ZNF536: variants seen among roughly 807,000 people sequenced by gnomAD.
The protein encoded by ZNF536 is zinc finger protein 536.
ZNF536 carries 13 observed loss-of-function variants against 84.5 expected under a neutral mutation model. That is an observed-to-expected ratio of 0.15 (90% CI 0.10 to 0.24). The LOEUF is 0.24. Among genes scored for constraint, ZNF536 ranks in the 10% least tolerant of loss-of-function variants. The pLI, the probability that ZNF536 is intolerant of heterozygous loss-of-function variation, is 1.00. For synonymous variants in ZNF536, 811 were observed against 742.5 expected, an observed-to-expected ratio of 1.09 and a Z score of -1.50; for missense variants, 1,536 against 1,747.5, an observed-to-expected ratio of 0.88 and a Z score of 2.16.
At chr19:30,466,780 G>C (rs1448401040) in intron 2 of ZNF536, among the ~76,000 whole-genome samples, 1 of 142,990 alleles carries the variant, frequency 7.0e-6, no homozygotes, top group African/African-American at 2.6e-5. Flanking sequence ...AAGGAAGGAA[G>C]GAAGGAAGGA....
chr19:30,432,591 G>T (rs924189523), intron 1 of ZNF536, among the ~76,000 whole-genome samples: 1 of 152,072 alleles, frequency 6.6e-6, no homozygotes, highest in East Asian at 1.9e-4. Flanking sequence ...AAGGGGAGAC[G>T]AATGCCTTTT....
intron 1 of ZNF536, among the ~76,000 whole-genome samples, chr19:30,272,500 A>T (rs1480678851): frequency 6.6e-6 from 1 of 152,180 alleles, no homozygotes; most frequent in Non-Finnish European, 1.5e-5. Context: ...TGACAACTGT[A>T]TTATGACTTG....
chr19:30,586,252 A>G (rs1023705775), intron 1 of ZNF536, among the ~76,000 whole-genome samples: 2 of 152,234 alleles, frequency 1.3e-5, no homozygotes, highest in African/African-American at 4.8e-5. Flanking sequence ...GGATGGAAGA[A>G]ATTTTGATGG....
At chr19:30,618,494 A>G (rs2048376657) in intron 1 of ZNF536, among the ~76,000 whole-genome samples, 1 of 152,166 alleles carries the variant, frequency 6.6e-6, no homozygotes, top group Non-Finnish European at 1.5e-5. Flanking sequence ...TTTTATTAAT[A>G]GATAAGATTG....
chr19:30,232,151 C>T (rs533004581), intron 1 of ZNF536, among the ~76,000 whole-genome samples: 5 of 152,008 alleles, frequency 3.3e-5, no homozygotes, highest in East Asian at 2.0e-4. Context: ...CTGGGGTGGG[C>T]GTGGGGGCCT....
At chr19:30,655,131 C>T (rs1027012614) in intron 1 of ZNF536, among the ~76,000 whole-genome samples, 2 of 152,272 alleles carry the variant, frequency 1.3e-5, no homozygotes, top group Middle Eastern at 3.4e-3. Flanking sequence ...CAGCTCTCAG[C>T]ATTTGGCTGC....
At chr19:30,538,457 T>C (rs1276703570) in intron 3 of ZNF536, among the ~76,000 whole-genome samples, 1 of 152,076 alleles carries the variant, frequency 6.6e-6, no homozygotes, top group African/African-American at 2.4e-5. Context: ...TTCTCCCCAC[T>C]GCATTAACTC....
At chr19:30,362,867 T>C (rs527596377) in intron 3 of ZNF536, among the ~76,000 whole-genome samples, 1 of 152,202 alleles carries the variant, frequency 6.6e-6, no homozygotes, top group East Asian at 1.9e-4. Flanking sequence ...GAGACCAGCC[T>C]GGCCAATAAG....
At chr19:30,550,569 A>C (rs1020366314) in intron 4 of ZNF536, among the ~76,000 whole-genome samples, 1 of 151,878 alleles carries the variant, frequency 6.6e-6, no homozygotes, top group Admixed American at 6.6e-5. Context: ...GGAAGGCAGG[A>C]AGGCAGGAAG....
downstream of ZNF536, among the ~76,000 whole-genome samples, chr19:30,559,840 G>A (rs1410787561): frequency 1.3e-5 from 2 of 152,168 alleles, no homozygotes; most frequent in Non-Finnish European, 2.9e-5. Flanking sequence ...TCCCCCTAAC[G>A]GGATCTCCAA....
chr19:30,656,908 C>G (rs1237576779), intron 1 of ZNF536, among the ~76,000 whole-genome samples: 1 of 152,190 alleles, frequency 6.6e-6, no homozygotes, highest in Non-Finnish European at 1.5e-5. Context: ...AATTGAGAAC[C>G]TGCTTTGAAG....
intron 3 of ZNF536, among the ~76,000 whole-genome samples, chr19:30,539,684 T>C (rs2045250550): frequency 6.6e-6 from 1 of 152,184 alleles, no homozygotes; most frequent in Non-Finnish European, 1.5e-5. Context: ...CCCTGTGCAC[T>C]ACCTTGGGAA....
chr19:30,569,411 T>A (rs1379989909), intron 1 of ZNF536, among the ~76,000 whole-genome samples: 3 of 151,888 alleles, frequency 2.0e-5, no homozygotes, highest in Non-Finnish European at 4.4e-5. Context: ...TGCCACACCT[T>A]CTTGATGGTA....
intron 1 of ZNF536, among the ~76,000 whole-genome samples, chr19:30,579,957 T>A (rs1409760805): frequency 6.6e-6 from 1 of 152,212 alleles, no homozygotes; most frequent in African/African-American, 2.4e-5. Context: ...AAGAAAGCTG[T>A]CTTGAAAGAT....
At chr19:30,595,236 C>T (rs139510455) in intron 1 of ZNF536, among the ~76,000 whole-genome samples, 1 of 152,234 alleles carries the variant, frequency 6.6e-6, no homozygotes, top group Non-Finnish European at 1.5e-5. Flanking sequence ...GCCTTATTAC[C>T]CTCCCTCCAT....
intron 2 of ZNF536, among the ~76,000 whole-genome samples, chr19:30,480,400 C>A (rs2054026824): frequency 1.3e-5 from 2 of 152,140 alleles, no homozygotes; most frequent in South Asian, 4.1e-4. Flanking sequence ...CTGAATTGAA[C>A]TTTTAAAAAG....
intron 1 of ZNF536, among the ~76,000 whole-genome samples, chr19:30,256,827 A>T (rs541804007): frequency 6.6e-6 from 1 of 152,356 alleles, no homozygotes; most frequent in Non-Finnish European, 1.5e-5. Flanking sequence ...GTTGAAAAAT[A>T]TTCATTTATC....
intron 2 of ZNF536, among the ~76,000 whole-genome samples, chr19:30,307,662 G>A (rs544960446): frequency 7.2e-5 from 11 of 152,010 alleles, no homozygotes; most frequent in South Asian, 6.3e-4. Context: ...GATTGCTACC[G>A]TTTTTCTTTT....
chr19:30,709,535 G>T (rs1011130992), intron 1 of ZNF536, among the ~76,000 whole-genome samples: 1 of 152,238 alleles, frequency 6.6e-6, no homozygotes, highest in Non-Finnish European at 1.5e-5. Flanking sequence ...CAGACTCCCA[G>T]ATGGAAGGAT....
Sources: allele counts gnomAD v4.1 joint callset (sites outside exome capture counted in the v4.1 genomes callset), GRCh38; gene constraint gnomAD v4.1.1; transcripts MANE v1.5; gene names NCBI Gene and HGNC (gene_info 2026-07-23, HGNC 2026-07-21).